The following TLL1 variants were observed in gnomAD, a reference collection of about 807,000 sequenced individuals.
TLL1 encodes tolloid like 1.
A neutral mutation model predicts 128.2 loss-of-function variants in TLL1; 49 were observed. The ratio of observed to expected loss-of-function variants is 0.38; its 90% confidence interval spans 0.30 to 0.48. TLL1 has a LOEUF of 0.48. TLL1 is among the 20% of genes least tolerant of loss of function. TLL1 has a pLI of 0.96. For missense variants in TLL1, 1,123 were observed against 1,242.0 expected (o/e 0.90, Z 1.44); for synonymous variants, 454 against 418.8 (o/e 1.08, Z -1.03).
intron 12 of TLL1, among the ~76,000 whole-genome samples, chr4:166,049,227 G>C (rs1242084953): frequency 6.6e-6 from 1 of 152,168 alleles, no homozygotes; most frequent in African/African-American, 2.4e-5. Context: ...CTTGCCCAAG[G>C]TTGCACAACT....
At chr4:165,942,425 A>C (rs1443606641) in intron 1 of TLL1, among the ~76,000 whole-genome samples, 1 of 151,898 alleles carries the variant, frequency 6.6e-6, no homozygotes, top group Non-Finnish European at 1.5e-5. Flanking sequence ...TTCATGTTTT[A>C]TCTTTTCATT....
rs552266354 is a variant in TLL1 at position 165,901,357 on chromosome 4, G to GT, written c.169+27289dup. 1.2e-4 allele frequency among the ~76,000 whole-genome samples: 18 copies of GT among 152,252 alleles called. No homozygotes were observed. The East Asian group carries it at 2.9e-3, about 24-fold the overall frequency. On this transcript the variant is annotated intron_variant, in intron 1 of 20. Transcript: ENST00000061240. Reference sequence around the variant, plus strand: ...GGGAATTTTCAACCTTTTTGCACTGGTTTTTCCTCATCTTCATGGATTTAT... The same window carrying GT: ...GGGAATTTTCAACCTTTTTGCACTGGTTTTTTCCTCATCTTCATGGATTTAT...
In TLL1 at chr4:165,995,108, C is replaced by T; in HGVS notation, c.562C>T (p.His188Tyr). The change falls in exon 5 of 21, where the codon CAC (histidine) becomes TAC (tyrosine). Residue 188 changes from histidine to tyrosine, a missense_variant. This residue lies in a region of TLL1 where 480 missense variants were observed against 542.4 expected (regional missense o/e 0.89). Transcript: ENST00000061240. The part of the protein sequence containing the change: ...FKQAMRHWEK[H>Y]TCVTFIERSD... Reference sequence around the variant, plus strand: ...GCAGGCCATGAGGCACTGGGAAAAGCACACATGTGTGACTTTCATAGAAAG... The same window carrying T: ...GCAGGCCATGAGGCACTGGGAAAAGTACACATGTGTGACTTTCATAGAAAG... 1 of 1,613,984 alleles carries T rather than the reference C, an allele frequency of 6.2e-7. No homozygotes were observed. Among genetic ancestry groups the T allele is most frequent in the Non-Finnish European group, 8.5e-7 (1 of 1,179,952 alleles).
At chr4:165,901,419 G>A (rs1049466665) in intron 1 of TLL1, among the ~76,000 whole-genome samples, 1 of 152,072 alleles carries the variant, frequency 6.6e-6, no homozygotes, top group Non-Finnish European at 1.5e-5. Context: ...CCTTCGGATG[G>A]GGTTTTTGTG....
chr4:165,903,887 A>C (rs538866244), intron 1 of TLL1, among the ~76,000 whole-genome samples: 9 of 152,254 alleles, frequency 5.9e-5, no homozygotes, highest in Admixed American at 5.9e-4. Context: ...CAAATTCATC[A>C]AGGGGTATAC....
At chr4:166,005,262 T>G (rs1737365298) in intron 6 of TLL1, among the ~76,000 whole-genome samples, 2 of 152,008 alleles carry the variant, frequency 1.3e-5, no homozygotes, top group South Asian at 4.1e-4. Flanking sequence ...AGCCTTTGTA[T>G]GATCCTTATT....
At chr4:166,022,138 A>C (rs1427027282) in intron 8 of TLL1, among the ~76,000 whole-genome samples, 2 of 150,096 alleles carry the variant, frequency 1.3e-5, no homozygotes, top group African/African-American at 4.9e-5. Context: ...ACATCTTTTT[A>C]TTTCTTTCTT....
intron 1 of TLL1, among the ~76,000 whole-genome samples, chr4:165,979,958 T>C (rs918796051): frequency 6.6e-6 from 1 of 152,146 alleles, no homozygotes; most frequent in Admixed American, 6.6e-5. Context: ...TTAACATGGA[T>C]AATGAACGTG....
intron 1 of TLL1, among the ~76,000 whole-genome samples, chr4:165,981,857 A>G (rs959209851): frequency 1.3e-5 from 2 of 152,070 alleles, no homozygotes; most frequent in Non-Finnish European, 2.9e-5. Context: ...TCTGTGTGCC[A>G]TTGCAGGCAC....
chr4:166,003,896 A>G (rs1427174147), intron 6 of TLL1, among the ~76,000 whole-genome samples: 1 of 151,876 alleles, frequency 6.6e-6, no homozygotes, highest in Admixed American at 6.6e-5. Context: ...TTACTGAAGC[A>G]TTTTTTGTAC....
intron 1 of TLL1, among the ~76,000 whole-genome samples, chr4:165,932,831 G>A (rs1733591715): frequency 6.6e-6 from 1 of 151,844 alleles, no homozygotes; most frequent in Admixed American, 6.6e-5. Flanking sequence ...CAATAAACTT[G>A]CTGAACTGTG....
chr4:165,919,348 A>C (rs1732925281), intron 1 of TLL1, among the ~76,000 whole-genome samples: 1 of 148,696 alleles, frequency 6.7e-6, no homozygotes, highest in African/African-American at 2.5e-5. Context: ...ACACCACTGC[A>C]CTCCAGCCTG....
intron 1 of TLL1, among the ~76,000 whole-genome samples, chr4:165,910,311 T>A (rs1170975650): frequency 6.6e-6 from 1 of 151,858 alleles, no homozygotes; most frequent in Non-Finnish European, 1.5e-5. Flanking sequence ...AAATGGAGGG[T>A]TTTTTACTTT....
At chr4:166,048,010 G>A (rs775564380) in intron 12 of TLL1, among the ~76,000 whole-genome samples, 1 of 151,994 alleles carries the variant, frequency 6.6e-6, no homozygotes, top group East Asian at 1.9e-4. Context: ...GCCTAGGCAG[G>A]CGGATCACCT....
intron 1 of TLL1, among the ~76,000 whole-genome samples, chr4:165,943,245 T>C (rs1734100412): frequency 6.6e-6 from 1 of 152,026 alleles, no homozygotes; most frequent in Non-Finnish European, 1.5e-5. Flanking sequence ...AAACAGAAAA[T>C]TTTAAGCTTT....
At chr4:165,912,373 G>A (rs75144101) in intron 1 of TLL1, among the ~76,000 whole-genome samples, 19 of 152,222 alleles carry the variant, frequency 1.2e-4, no homozygotes, top group Non-Finnish European at 1.6e-4. Flanking sequence ...CCACTCCTTT[G>A]TTGCTTCCTA....
intron 12 of TLL1, among the ~76,000 whole-genome samples, chr4:166,047,203 C>T (rs967636459): frequency 2.0e-5 from 3 of 150,796 alleles, no homozygotes; most frequent in South Asian, 2.1e-4. Flanking sequence ...TGCTCTGTTT[C>T]GCCCAGACTG....
chr4:166,081,472 G>A (rs1741278904), intron 18 of TLL1, among the ~76,000 whole-genome samples: 1 of 152,170 alleles, frequency 6.6e-6, no homozygotes, highest in Non-Finnish European at 1.5e-5. Context: ...GCAGGAGATG[G>A]AGGTCCATGG....
At chr4:165,879,960 T>G (rs191528370) in intron 1 of TLL1, among the ~76,000 whole-genome samples, 1,530 of 151,764 alleles carry the variant, frequency 0.01, 15 homozygotes, top group Middle Eastern at 0.014. Flanking sequence ...AATTGAGGAG[T>G]GCAGAGTCCT....
Sources: allele counts gnomAD v4.1 joint callset (sites outside exome capture counted in the v4.1 genomes callset), GRCh38; gene constraint gnomAD v4.1.1; regional missense constraint gnomAD v4.1.1; transcripts MANE v1.5; gene names NCBI Gene and HGNC (gene_info 2026-07-23, HGNC 2026-07-21).